Variants in SLC29A2 observed in about 807,000 individuals in gnomAD.
SLC29A2 encodes the protein solute carrier family 29 member 2.
A neutral mutation model predicts 48.8 loss-of-function variants in SLC29A2; 37 were observed. That is an observed-to-expected ratio of 0.76 (90% CI 0.58 to 1.00). SLC29A2 has a LOEUF of 1.00. SLC29A2 is among the 50% of genes least tolerant of loss of function. SLC29A2 has a pLI of 0.00. For synonymous variants in SLC29A2, 233 were observed against 261.7 expected (o/e 0.89, Z 1.06); for missense variants, 533 against 578.6 (o/e 0.92, Z 0.81).
chr11:66,372,258 G>T (rs1856097386), upstream of SLC29A2: 1 of 152,218 alleles, frequency 6.6e-6, no homozygotes, highest in South Asian at 2.1e-4. Flanking sequence ...CTGGGTCCCC[G>T]GGAGTGCCTG....
intron 6 of SLC29A2, 80 bp downstream of exon 6, chr11:66,367,692 T>C: frequency 6.6e-7 from 1 of 1,511,532 alleles, no homozygotes; most frequent in Non-Finnish European, 9.2e-7. Context: ...CCACCTCCCC[T>C]GGCCTCTCTC....
chr11:66,363,595 C>T, intron 11 of SLC29A2, 48 bp from the exon 12 acceptor site: 6 of 1,381,884 alleles, frequency 4.3e-6, no homozygotes, highest in Non-Finnish European at 5.1e-6. Flanking sequence ...GGGTCTAAAT[C>T]TGGACCCAGC....
intron 4 of SLC29A2, 35 bp downstream of exon 4, chr11:66,369,025 C>A (rs768070934): frequency 1.9e-6 from 3 of 1,585,878 alleles, no homozygotes; most frequent in South Asian, 1.2e-5. Context: ...TGAAGCCCTG[C>A]ATAGGCTGGC....
At chr11:66,364,203 A>AC in intron 11 of SLC29A2, 22 bp downstream of exon 11, 176 of 831,840 alleles carry the variant, frequency 2.1e-4, no homozygotes, top group East Asian at 4.9e-4. Flanking sequence ...CCAGCCCCCC[A>AC]CCCCACCCCA....
Position 66,367,875 on chromosome 11 carries a change from G to A in SLC29A2, c.551-6C>T, listed in dbSNP as rs374190490. The A allele has an allele frequency of 3.4e-5, 55 of 1,613,334 alleles. 1 individual carries two copies. In the Admixed American group the frequency reaches 3.7e-4, roughly 11 times the overall value. ...GGTCTCGGCGTCCACGCCACCTGCG[G>A]AGGAACTTCAGCTGCAGAAGAGAGG... On this transcript the variant is annotated splice_region_variant and splice_polypyrimidine_tract_variant and intron_variant, in intron 5 of 11. Coordinates refer to ENST00000357440, the MANE Select transcript of SLC29A2 (RefSeq NM_001532.3).
chr11:66,365,914 CACCCAGCCCTGGTGTGCTT>C lies in SLC29A2; in HGVS notation c.1059+3_1059+21del, dbSNP rs1855660129. On this transcript the variant is annotated splice_donor_5th_base_variant and intron_variant, in intron 10 of 11. Coordinates refer to ENST00000357440, the MANE Select transcript of SLC29A2 (RefSeq NM_001532.3). ...CAAACTGCTTCCTAAAACATCGGAT[CACCCAGCCCTGGTGTGCTT>C]ACCCACAGGAAGTAAGAGGTCAGGC... 1.2e-6 allele frequency: 2 copies of C among 1,607,882 alleles called. 1 individual carries two copies. Among genetic ancestry groups the C allele is most frequent in the South Asian group, 2.2e-5 (2 of 90,880 alleles).
In SLC29A2 at chr11:66,365,280, ACCT is replaced by A. The variant is rs1384854711; in HGVS notation, c.1059+653_1059+655del. ...GGATAGACCCATCTGTCACCCCCTG[ACCT>A]CCTCTGACCTGACCTACCTTGTGAG... On this transcript the variant is annotated intron_variant, in intron 10 of 11. Coordinates refer to ENST00000357440, the MANE Select transcript of SLC29A2 (RefSeq NM_001532.3). Among the ~76,000 whole-genome samples, 7 of 151,832 alleles carry A rather than the reference ACCT, an allele frequency of 4.6e-5. No individual in the cohort carries two copies. In the East Asian group the frequency reaches 1.2e-3, roughly 25 times the overall value.
At chr11:66,365,433 C>T (rs1300678898) in intron 10 of SLC29A2, among the ~76,000 whole-genome samples, 3 of 152,210 alleles carry the variant, frequency 2.0e-5, no homozygotes, top group Admixed American at 6.5e-5. Context: ...CTACAGTTTA[C>T]GTACTCGGTT....
At chr11:66,371,799 G>A (rs974163775), upstream of SLC29A2, 12 of 576,162 alleles carry the variant, frequency 2.1e-5, no homozygotes, top group Non-Finnish European at 3.3e-5. Flanking sequence ...GCCCCGAGGC[G>A]GGGACAGAGG....
upstream of SLC29A2, chr11:66,372,058 C>T (rs1231489890): frequency 6.0e-6 from 1 of 168,020 alleles, no homozygotes; most frequent in African/African-American, 2.4e-5. Context: ...GTGCGGGGCT[C>T]TTCCCGCTTC....
At chr11:66,369,220 T>C (rs560184828) in intron 3 of SLC29A2, 21 bp from the exon 4 acceptor site, 2 of 1,576,152 alleles carry the variant, frequency 1.3e-6, no homozygotes, top group East Asian at 2.3e-5. Flanking sequence ...GCAGGCAGAG[T>C]GCATCAGTGG....
chr11:66,367,317 C>T (rs1855755598), intron 7 of SLC29A2, 147 bp downstream of exon 7: 5 of 751,964 alleles, frequency 6.6e-6, no homozygotes, highest in African/African-American at 1.7e-5. Context: ...TGACTTTAAT[C>T]CTACCAACTT....
chr11:66,365,569 G>A (rs1297271627), intron 10 of SLC29A2, among the ~76,000 whole-genome samples: 1 of 152,212 alleles, frequency 6.6e-6, no homozygotes, highest in African/African-American at 2.4e-5. Flanking sequence ...TTTCACCTGC[G>A]TTATGTATTG....
Position 66,367,824 on chromosome 11 carries a change from G to A in SLC29A2, c.596C>T (p.Pro199Leu). 1.2e-6 allele frequency: 2 copies of A among 1,614,202 alleles called. No individual in the cohort carries two copies. Among genetic ancestry groups the A allele is most frequent in the Non-Finnish European group, 1.7e-6 (2 of 1,180,014 alleles). Residue 199 changes from proline (P) to leucine (L), a missense_variant, in exon 6 of 12, where the codon CCC (proline) becomes CTC (leucine). By Grantham distance (98) the Pro-to-Leu change is moderately conservative (BLOSUM62 -3). Coordinates refer to ENST00000357440, the MANE Select transcript of SLC29A2 (RefSeq NM_001532.3). ...ETSALGYFIT[P>L]CVGILMSIVC... ...GATGGACATGAGGATGCCCACACAG[G>A]GCGTGATAAAGTACCCCAGGGCAGA...
intron 2 of SLC29A2, 60 bp from the exon 3 acceptor site, chr11:66,369,592 C>T (rs1389619460): frequency 5.7e-6 from 9 of 1,589,038 alleles, no homozygotes; most frequent in Admixed American, 1.7e-5. Flanking sequence ...GCTGCCTTCC[C>T]CCTCACTTGT....
At chr11:66,366,664 C>A in intron 7 of SLC29A2, 100 bp from the exon 8 acceptor site, 1 of 1,364,830 alleles carries the variant, frequency 7.3e-7, no homozygotes, top group South Asian at 1.3e-5. Context: ...AACAAGTGAT[C>A]CTCAGCTCAG....
intron 9 of SLC29A2, 51 bp from the exon 10 acceptor site, chr11:66,366,072 G>T (rs781292816): frequency 1.2e-6 from 2 of 1,605,808 alleles, no homozygotes; most frequent in African/African-American, 2.7e-5. Flanking sequence ...CCCCTCTCCC[G>T]TCCTCTCCCC....
Position 66,371,594 on chromosome 11 carries a change from C to A in SLC29A2, c.-3G>T. 6.5e-7 allele frequency: 1 copy of A among 1,549,150 alleles called. No individual in the cohort carries two copies. The highest frequency in any genetic ancestry group is 8.7e-7 in the Non-Finnish European group (1 of 1,150,164). ...CGCGGGGCGTCTCCTCGCGCCATGG[C>A]CGCCGCGGCGGATGCGCCTGGGGTG... On this transcript the variant is annotated 5_prime_UTR_variant, in exon 1 of 12. Coordinates refer to ENST00000357440, the MANE Select transcript of SLC29A2 (RefSeq NM_001532.3).
In SLC29A2 at chr11:66,369,121, C is replaced by T. The variant is rs1178684056; in HGVS notation, c.354G>A (p.Lys118=). 1 of 1,591,882 alleles carries T rather than the reference C, an allele frequency of 6.3e-7. No homozygotes were observed. Among genetic ancestry groups the T allele is most frequent in the Admixed American group, 1.8e-5 (1 of 56,610 alleles). ...AGAAGGGTCCGGGGCTCATGTCCAC[C>T]TTGACCAGCGCTGCTGTCAGGGCAA... is the stretch of plus-strand genomic sequence containing the variant. ...LLFALTAALV[K]VDMSPGPFFS... is the part of the protein sequence containing the mutation. The change falls in exon 4 of 12, where the codon AAG becomes AAA. Residue 118 remains lysine (K), a synonymous_variant. Coordinates refer to ENST00000357440, the MANE Select transcript of SLC29A2 (RefSeq NM_001532.3).
Sources: gnomAD v4.1 joint callset for allele counts (sites outside exome capture counted in the v4.1 genomes callset) on GRCh38, gnomAD v4.1.1 for gene constraint, MANE v1.5 for transcripts, NCBI Gene and HGNC (gene_info 2026-07-23, HGNC 2026-07-21) for gene names.